The following EPHA6 variants were observed in gnomAD, a reference collection of about 807,000 sequenced individuals.
EPHA6 encodes EPH receptor A6.
In EPHA6, 50 loss-of-function variants were observed where a neutral mutation model predicts 112.0. The observed-to-expected ratio is 0.45, with a 90% CI of 0.36 to 0.56. The LOEUF (loss-of-function observed/expected upper bound fraction) is 0.56. EPHA6 is among the 20% of genes least tolerant of loss of function. The pLI, the probability that EPHA6 is intolerant of heterozygous loss-of-function variation, is 0.00. For missense variants in EPHA6, 1,280 were observed against 1,417.4 expected, an observed-to-expected ratio of 0.90 and a Z score of 1.56; for synonymous variants, 529 against 490.7, an observed-to-expected ratio of 1.08 and a Z score of -1.03.
chr3:97,037,680 A>G (rs570740216), intron 3 of EPHA6, among the ~76,000 whole-genome samples: 33 of 152,204 alleles, frequency 2.2e-4, no homozygotes, highest in African/African-American at 7.9e-4. Context: ...AGAGCGGATC[A>G]TAAGAGGAAA....
chr3:97,448,787 A>T, intron 7 of EPHA6, 57 bp downstream of exon 7: 1 of 1,571,608 alleles, frequency 6.4e-7, no homozygotes, highest in Non-Finnish European at 8.7e-7. Flanking sequence ...TTCCAATTTG[A>T]CCTGATATTT....
chr3:97,689,524 C>T (rs1006442153), intron 14 of EPHA6, among the ~76,000 whole-genome samples: 4 of 152,170 alleles, frequency 2.6e-5, no homozygotes, highest in Non-Finnish European at 5.9e-5. Flanking sequence ...GCCTCTTTAG[C>T]GCTTCCTAGC....
intron 3 of EPHA6, among the ~76,000 whole-genome samples, chr3:97,225,636 C>G (rs575112824): frequency 2.0e-5 from 3 of 151,936 alleles, no homozygotes; most frequent in African/African-American, 4.8e-5. Flanking sequence ...AATAACCAAC[C>G]TCTTGATAGT....
In EPHA6 at chr3:96,866,864, G is replaced by C; in HGVS notation, c.425G>C (p.Gly142Ala). The C allele has an allele frequency of 6.7e-7, 1 of 1,483,526 alleles. No homozygotes were observed. The highest frequency in any genetic ancestry group is 9.0e-7 in the Non-Finnish European group (1 of 1,112,586). The allele number at this position is 1,483,526 out of a possible 1,614,324, so 91.9% of individuals were successfully genotyped here. The stretch of plus-strand genomic sequence containing the variant: ...ACAACAACTGTACTGGGAGAGCTAG[G>C]ATGGAAAACATATCCATTAAATGGG... ...LDTTTVLGEL[G>A]WKTYPLNGWD... Residue 142 changes from glycine to alanine, a missense_variant, in exon 2 of 18, where the codon GGA becomes GCA. Gly to Ala is a moderately conservative substitution (Grantham distance 60, BLOSUM62 0). Transcript: ENST00000389672.
rs955458186 is a variant in EPHA6, at chr3:96,899,758, G to A, written c.450+32869G>A. Among the ~76,000 whole-genome samples the A allele has an allele frequency of 1.3e-5, 2 of 151,964 alleles. 1 individual carries two copies. Among genetic ancestry groups the A allele is most frequent in the African/African-American group, 4.8e-5 (2 of 41,352 alleles). ...TAAGCAGTAGTCCTGTTGCATGGAG[G>A]GTGCTGTCTTTAGTGAAATCTGAGG... On this transcript the variant is annotated intron_variant, in intron 2 of 17. Coordinates refer to ENST00000389672, the MANE Select transcript of EPHA6 (RefSeq NM_001080448.3).
intron 13 of EPHA6, among the ~76,000 whole-genome samples, chr3:97,618,338 G>A (rs1241777049): frequency 1.3e-5 from 2 of 151,902 alleles, no homozygotes; most frequent in South Asian, 2.1e-4. Flanking sequence ...AGGAACTCAA[G>A]TCATCAACCT....
chr3:97,303,546 C>A (rs943884839), intron 5 of EPHA6, among the ~76,000 whole-genome samples: 1 of 151,912 alleles, frequency 6.6e-6, no homozygotes, highest in Non-Finnish European at 1.5e-5. Flanking sequence ...AGCTGGACAC[C>A]TTGGGATGCT....
At chr3:97,263,810 T>G (rs1019616105) in intron 5 of EPHA6, among the ~76,000 whole-genome samples, 1 of 152,172 alleles carries the variant, frequency 6.6e-6, no homozygotes, top group Admixed American at 6.5e-5. Context: ...CAGGTAAACA[T>G]GAAACCAAAG....
intron 14 of EPHA6, among the ~76,000 whole-genome samples, chr3:97,674,465 T>A (rs1292760103): frequency 6.6e-6 from 1 of 152,220 alleles, no homozygotes; most frequent in Non-Finnish European, 1.5e-5. Flanking sequence ...CTAATTGTTT[T>A]ATTAATTAAT....
intron 12 of EPHA6, among the ~76,000 whole-genome samples, chr3:97,610,447 A>T (rs1466329117): frequency 6.6e-6 from 1 of 151,704 alleles, no homozygotes; most frequent in Non-Finnish European, 1.5e-5. Flanking sequence ...ATAACTGCTT[A>T]AATCCTGACT....
intron 15 of EPHA6, among the ~76,000 whole-genome samples, chr3:97,721,295 C>CCA (rs1169077023): frequency 1.3e-5 from 2 of 152,148 alleles, no homozygotes; most frequent in East Asian, 3.9e-4. Flanking sequence ...CTTAAGCAAC[C>CCA]CACACACACC....
At chr3:97,631,320 C>G (rs2093900870) in intron 13 of EPHA6, among the ~76,000 whole-genome samples, 1 of 151,916 alleles carries the variant, frequency 6.6e-6, no homozygotes, top group Non-Finnish European at 1.5e-5. Context: ...AGAATGACCT[C>G]TAGCAACACA....
chr3:97,596,017 T>G (rs2093586923), intron 12 of EPHA6, among the ~76,000 whole-genome samples: 1 of 150,456 alleles, frequency 6.6e-6, no homozygotes, highest in Admixed American at 6.7e-5. Flanking sequence ...GCCATTCTCC[T>G]GCCTCAGCCT....
At chr3:97,445,893 C>T (rs1256779146) in intron 6 of EPHA6, among the ~76,000 whole-genome samples, 2 of 152,096 alleles carry the variant, frequency 1.3e-5, no homozygotes, top group Non-Finnish European at 2.9e-5. Context: ...TGAAGATTTA[C>T]GTGTCATACA....
intron 15 of EPHA6, among the ~76,000 whole-genome samples, chr3:97,724,575 G>A (rs1484635028): frequency 6.6e-6 from 1 of 152,012 alleles, no homozygotes; most frequent in Non-Finnish European, 1.5e-5. Context: ...AGACCAATGT[G>A]GGGAATATAG....
intron 3 of EPHA6, among the ~76,000 whole-genome samples, chr3:97,069,220 A>G (rs928542933): frequency 4.6e-5 from 7 of 152,164 alleles, no homozygotes; most frequent in African/African-American, 1.2e-4. Flanking sequence ...ATATTCTTAC[A>G]GTAAAGTAAG....
intron 5 of EPHA6, among the ~76,000 whole-genome samples, chr3:97,264,212 CCTGG>C (rs907441403): frequency 6.6e-6 from 1 of 152,214 alleles, no homozygotes; most frequent in Admixed American, 6.5e-5. Flanking sequence ...ATCCACTCAG[CCTGG>C]CTGGCTTCCC....
At chr3:97,559,607 G>A (rs2093160722) in intron 11 of EPHA6, 1 of 454,974 alleles carries the variant, frequency 2.2e-6, no homozygotes, top group Non-Finnish European at 4.4e-6. Context: ...TGGAAATGAT[G>A]ACATATATCC....
At chr3:97,713,641 C>G (rs1435798169) in intron 14 of EPHA6, among the ~76,000 whole-genome samples, 1 of 152,138 alleles carries the variant, frequency 6.6e-6, no homozygotes, top group Non-Finnish European at 1.5e-5. Context: ...CTGCACAATC[C>G]CATGTGCATG....
Sources: gnomAD v4.1 joint callset for allele counts (sites outside exome capture counted in the v4.1 genomes callset) on GRCh38, gnomAD v4.1.1 for gene constraint, MANE v1.5 for transcripts, NCBI Gene and HGNC (gene_info 2026-07-23, HGNC 2026-07-21) for gene names.